RAP1GAP2: variants seen among roughly 807,000 people sequenced by gnomAD.
RAP1GAP2 encodes the protein rap1 GTPase-activating protein 2.
Under a neutral mutation model 95.0 loss-of-function variants are expected in RAP1GAP2, and 27 were observed. The observed-to-expected ratio is 0.28, with a 90% CI of 0.21 to 0.39. The LOEUF (loss-of-function observed/expected upper bound fraction) is 0.39, where lower values mean the gene tolerates loss of function less well. RAP1GAP2 is among the 10% of genes least tolerant of loss of function. RAP1GAP2 has a pLI of 1.00. For synonymous variants in RAP1GAP2, 373 were observed against 380.9 expected, an observed-to-expected ratio of 0.98 and a Z score of 0.24; for missense variants, 771 against 970.0, an observed-to-expected ratio of 0.79 and a Z score of 2.72.
At position 2,800,636 on chromosome 17, in the gene RAP1GAP2, C is replaced by T. The variant is rs2069248669; in HGVS notation, c.80+86C>T. ...CTTGCTCCCCCCAGGTTGTGGGAGACACAAGAGGGGCTGTCGTGTTTGTCA... is the reference window on the plus strand; with the variant it reads ...CTTGCTCCCCCCAGGTTGTGGGAGATACAAGAGGGGCTGTCGTGTTTGTCA... On this transcript the variant is annotated intron_variant, in intron 2 of 24. Coordinates refer to ENST00000254695, the MANE Select transcript of RAP1GAP2 (RefSeq NM_015085.5). 4.3e-6 allele frequency: 6 copies of T among 1,386,014 alleles called. No individual in the cohort carries two copies. The Admixed American group carries it at 7.7e-5, about 18-fold the overall frequency. The allele number at this position is 1,386,014 out of a possible 1,614,324, so 85.9% of individuals were successfully genotyped here.
At chr17:2,966,898 A>G (rs948747352) in intron 8 of RAP1GAP2, among the ~76,000 whole-genome samples, 5 of 152,174 alleles carry the variant, frequency 3.3e-5, no homozygotes, top group Non-Finnish European at 7.4e-5. Context: ...CCTTTTTCTA[A>G]TACTGTATCC....
intron 2 of RAP1GAP2, among the ~76,000 whole-genome samples, chr17:2,815,813 G>A (rs1029402771): frequency 6.6e-6 from 1 of 152,230 alleles, no homozygotes; most frequent in Non-Finnish European, 1.5e-5. Flanking sequence ...GTCCTGGGCT[G>A]TGCGGTCACA....
At position 3,030,804 on chromosome 17, in the gene RAP1GAP2, C is replaced by T. The variant is rs987890889; in HGVS notation, c.2108-118C>T. ...GGGTCGGCACAGGTCAGCTAGGGTGCCTGGTCCTGGTGGAGGGCAGGAGGC... is the reference window on the plus strand; with the variant it reads ...GGGTCGGCACAGGTCAGCTAGGGTGTCTGGTCCTGGTGGAGGGCAGGAGGC... On this transcript the variant is annotated intron_variant, in intron 22 of 24. Coordinates refer to ENST00000254695, the MANE Select transcript of RAP1GAP2 (RefSeq NM_015085.5). 1.2e-5 allele frequency: 11 copies of T among 940,892 alleles called. No homozygotes were observed. In the African/African-American group the frequency reaches 1.6e-4, roughly 14 times the overall value. 58.3% of individuals were successfully genotyped at this position (940,892 alleles called of 1,614,324 possible).
chr17:2,922,426 A>G (rs1048294044), intron 3 of RAP1GAP2, among the ~76,000 whole-genome samples: 2 of 152,136 alleles, frequency 1.3e-5, no homozygotes, highest in African/African-American at 4.8e-5. Context: ...GGATACAGAC[A>G]TATCTTTTTG....
In RAP1GAP2 at chr17:3,033,678, G is replaced by C. The variant is rs1427358969; in HGVS notation, c.*317G>C. 6.5e-6 allele frequency: 1 copy of C among 152,696 alleles called. No homozygotes were observed. The highest frequency in any genetic ancestry group is 2.4e-5 in the African/African-American group (1 of 41,446). The allele number at this position is 152,696 out of a possible 1,614,324, so 9.5% of individuals were successfully genotyped here. Reference sequence around the variant, plus strand: ...ATCCTATTCATCCTGGAGAGGAAAAGTGTCGGGCAAAGGGGGATCTGGGGG... The same window carrying C: ...ATCCTATTCATCCTGGAGAGGAAAACTGTCGGGCAAAGGGGGATCTGGGGG... On this transcript the variant is annotated 3_prime_UTR_variant, in exon 25 of 25. Transcript: ENST00000254695. This position sits in a 1 kb window ranked among gnomAD's most constrained non-coding sequence, Gnocchi z 4.9.
At chr17:2,872,213 CAAAAAAAAAAA>C (rs562587177) in intron 2 of RAP1GAP2, among the ~76,000 whole-genome samples, 4 of 75,664 alleles carry the variant, frequency 5.3e-5, no homozygotes, top group African/African-American at 2.0e-4. Flanking sequence ...GCCTCTGTCT[CAAAAAAAAAAA>C]AAAAAAAAAA....
At chr17:2,897,046 G>A (rs376065889) in intron 2 of RAP1GAP2, among the ~76,000 whole-genome samples, 333 of 152,316 alleles carry the variant, frequency 2.2e-3, no homozygotes, top group African/African-American at 7.1e-3. Context: ...CTTTATAAAC[G>A]GGTGTCCAGG....
chr17:2,886,189 T>TGAGCCGGAGTC (rs2073498739), intron 2 of RAP1GAP2, among the ~76,000 whole-genome samples: 2 of 126,816 alleles, frequency 1.6e-5, no homozygotes, highest in Non-Finnish European at 3.4e-5. Flanking sequence ...TTTTTTTTTT[T>TGAGCCGGAGTC]TGAGCCGGAG....
intron 3 of RAP1GAP2, among the ~76,000 whole-genome samples, chr17:2,925,386 C>A (rs145273531): frequency 1.6e-3 from 251 of 152,184 alleles, no homozygotes; most frequent in African/African-American, 5.9e-3. Context: ...AGGAAACTTA[C>A]AATCATGAAG....
At chr17:2,790,129 T>G (rs1347808644) in intron 1 of RAP1GAP2, among the ~76,000 whole-genome samples, 1 of 152,032 alleles carries the variant, frequency 6.6e-6, no homozygotes, top group Admixed American at 6.6e-5. Flanking sequence ...TTTTGGTGGT[T>G]TTGAGATGGA....
At chr17:2,988,218 A>AG (rs2151556351) in intron 11 of RAP1GAP2, among the ~76,000 whole-genome samples, 1 of 152,300 alleles carries the variant, frequency 6.6e-6, no homozygotes, top group East Asian at 1.9e-4. Context: ...CAAAAAAAAA[A>AG]AAAAATTACT....
chr17:2,793,307 C>T (rs554718415), upstream of RAP1GAP2, among the ~76,000 whole-genome samples: 173 of 152,236 alleles, frequency 1.1e-3, no homozygotes, highest in African/African-American at 3.9e-3. Flanking sequence ...GCATGTGCCA[C>T]GACGCCCGGC....
chr17:2,957,127 CAAA>C (rs531735734), intron 3 of RAP1GAP2, among the ~76,000 whole-genome samples: 2 of 75,222 alleles, frequency 2.7e-5, no homozygotes, highest in Admixed American at 1.4e-4. Flanking sequence ...GACTCTGTCT[CAAA>C]AAAAAAAAAA....
At chr17:2,846,938 G>A (rs2071613909) in intron 2 of RAP1GAP2, among the ~76,000 whole-genome samples, 1 of 144,272 alleles carries the variant, frequency 6.9e-6, no homozygotes, top group African/African-American at 2.5e-5. Context: ...AATAGTAGTT[G>A]ATAATAATGG....
intron 2 of RAP1GAP2, among the ~76,000 whole-genome samples, chr17:2,807,645 C>A (rs1052920650): frequency 5.9e-5 from 9 of 152,146 alleles, no homozygotes; most frequent in African/African-American, 2.2e-4. Flanking sequence ...GTAGCCCGAC[C>A]CTCACGAAGG....
intron 2 of RAP1GAP2, among the ~76,000 whole-genome samples, chr17:2,844,463 G>A (rs1016146136): frequency 6.6e-6 from 1 of 152,182 alleles, no homozygotes; most frequent in African/African-American, 2.4e-5. Context: ...TAGACAGCTG[G>A]AAGGATTTTC....
At chr17:2,844,308 C>G (rs2071490830) in intron 2 of RAP1GAP2, among the ~76,000 whole-genome samples, 1 of 152,208 alleles carries the variant, frequency 6.6e-6, no homozygotes, top group South Asian at 2.1e-4. Context: ...GCATGAGCCA[C>G]TGCGCCCGGC....
At chr17:3,016,523 G>A (rs1055108473) in intron 17 of RAP1GAP2, among the ~76,000 whole-genome samples, 1 of 152,264 alleles carries the variant, frequency 6.6e-6, no homozygotes, top group Non-Finnish European at 1.5e-5. Flanking sequence ...GCACCCCACA[G>A]GCTCTGGGTC....
At chr17:2,844,594 G>A (rs1200594425) in intron 2 of RAP1GAP2, among the ~76,000 whole-genome samples, 3 of 152,202 alleles carry the variant, frequency 2.0e-5, no homozygotes, top group Non-Finnish European at 4.4e-5. Context: ...TGAAGCTCTG[G>A]GAGTCTGTGT....
Sources: gnomAD v4.1 joint callset for allele counts (sites outside exome capture counted in the v4.1 genomes callset) on GRCh38, gnomAD v4.1.1 for gene constraint, Gnocchi (gnomAD v3.1) non-coding constraint, MANE v1.5 for transcripts, NCBI Gene and HGNC (gene_info 2026-07-23, HGNC 2026-07-21) for gene names.